GUF1: variants seen among roughly 807,000 people sequenced by gnomAD.
The protein encoded by GUF1 is GTP binding elongation factor GUF1.
Under a neutral mutation model 82.4 loss-of-function variants are expected in GUF1, and 78 were observed. The observed-to-expected ratio is 0.95, with a 90% CI of 0.79 to 1.14. The LOEUF is 1.14. Among genes scored for constraint, GUF1 ranks in the 50% most tolerant of loss-of-function variants. GUF1 has a pLI of 0.00. For missense variants in GUF1, 814 were observed against 798.2 expected (o/e 1.02, Z -0.24); for synonymous variants, 279 against 282.3 (o/e 0.99, Z 0.12).
chr4:44,682,254 T>C (rs1714812370), intron 4 of GUF1, 80 bp from the exon 5 acceptor site: 8 of 656,084 alleles, frequency 1.2e-5, no homozygotes, highest in Middle Eastern at 2.9e-4. Flanking sequence ...GATGAAGATG[T>C]ATAGAATGGT....
At position 44,685,998 on chromosome 4, in the gene GUF1, C is replaced by G. The variant is rs1021921516; in HGVS notation, c.709C>G (p.Gln237Glu). Residue 237 changes from glutamine to glutamate, a missense_variant, in exon 7 of 17, where the codon CAG (glutamine) becomes GAG (glutamate). Physicochemically the swap from Gln to Glu is conservative, Grantham distance 29. Coordinates refer to ENST00000281543, the MANE Select transcript of GUF1 (RefSeq NM_021927.3). ...TGGAACAAATGTTGAGAGTGTTCTT[C>G]AGGCAATTATTGAAAGAATCCCCCC... ...KLGTNVESVL[Q>E]AIIERIPPPK... 2 of 1,606,412 alleles carry G rather than the reference C, an allele frequency of 1.2e-6. No individual in the cohort carries two copies. The highest frequency in any genetic ancestry group is 3.3e-5 in the Admixed American group (2 of 59,874).
chr4:44,683,624 A>C (rs1371541767), intron 6 of GUF1, among the ~76,000 whole-genome samples: 1 of 152,102 alleles, frequency 6.6e-6, no homozygotes, highest in African/African-American at 2.4e-5. Flanking sequence ...AACTCCCTGC[A>C]GTATTTCTTG....
chr4:44,691,182 T>G (rs1458074394), intron 12 of GUF1, among the ~76,000 whole-genome samples: 1 of 151,690 alleles, frequency 6.6e-6, no homozygotes, highest in Non-Finnish European at 1.5e-5. Context: ...TCAGGGACCA[T>G]AAATTTGAAG....
intron 6 of GUF1, 61 bp from the exon 7 acceptor site, chr4:44,685,898 C>T: frequency 8.7e-7 from 1 of 1,150,780 alleles, no homozygotes; most frequent in East Asian, 2.4e-5. Context: ...CACAGGTCAT[C>T]AAGATAGAAA....
chr4:44,689,446 G>A (rs769262049), intron 10 of GUF1, 37 bp downstream of exon 10: 2 of 1,521,686 alleles, frequency 1.3e-6, no homozygotes, highest in Middle Eastern at 1.8e-4. Context: ...AGGAAAGGGA[G>A]GTGTAAATGG....
chr4:44,698,767 G>C lies in GUF1; in HGVS notation c.*86G>C, dbSNP rs1004235897. On this transcript the variant is annotated 3_prime_UTR_variant, in exon 17 of 17. Coordinates refer to ENST00000281543, the MANE Select transcript of GUF1 (RefSeq NM_021927.3). ...TTATAAAATTTGCTTGTTACTTTCAGGGTATTCAGGTTCAAATAACCTACT... is the reference window on the plus strand; with the variant it reads ...TTATAAAATTTGCTTGTTACTTTCACGGTATTCAGGTTCAAATAACCTACT... 1.6e-6 allele frequency: 2 copies of C among 1,245,774 alleles called. No homozygotes were observed. Among genetic ancestry groups the C allele is most frequent in the African/African-American group, 1.5e-5 (1 of 65,800 alleles). 77.2% of individuals were successfully genotyped at this position (1,245,774 alleles called of 1,614,324 possible).
Position 44,689,279 on chromosome 4 carries a change from TC to T in GUF1, c.1079-3del. On this transcript the variant is annotated splice_region_variant and splice_polypyrimidine_tract_variant and intron_variant, in intron 9 of 16. Coordinates refer to ENST00000281543, the MANE Select transcript of GUF1 (RefSeq NM_021927.3). ...CACGTGATAATTAGAAATCATTGTA[TC>T]CCCAGGAATGTATCCTCTAGACCAA... 6.4e-7 allele frequency: 1 copy of T among 1,567,240 alleles called. No individual in the cohort carries two copies. The highest frequency in any genetic ancestry group is 1.2e-5 in the South Asian group (1 of 83,778).
chr4:44,698,588 A>G lies in GUF1; in HGVS notation c.1917A>G (p.Gln639=), dbSNP rs369850931. 6.5e-5 allele frequency: 105 copies of G among 1,609,356 alleles called. No individual in the cohort carries two copies. Among genetic ancestry groups the G allele is most frequent in the Middle Eastern group, 1.7e-4 (1 of 6,050 alleles). The change falls in exon 17 of 17, where the codon CAA becomes CAG. Residue 639 remains glutamine (Q), a synonymous_variant. Transcript: ENST00000281543. ...ITRKMKLLKR[Q]AEGKKKLRKI... The stretch of plus-strand genomic sequence containing the variant: ...GAAAAATGAAGCTTTTGAAGAGACA[A>G]GCAGAAGGGAAAAAAAAGCTGAGGA...
At chr4:44,687,896 A>G in intron 8 of GUF1, 111 bp from the exon 9 acceptor site, 1 of 901,390 alleles carries the variant, frequency 1.1e-6, no homozygotes, top group Non-Finnish European at 1.7e-6. Context: ...TTCAAAGTGT[A>G]TGGAAAGTTT....
rs759581426 is a variant in GUF1, at chr4:44,695,652, C to G, written c.1753C>G (p.Arg585Gly). The change falls in exon 15 of 17, where the codon CGG becomes GGG. Residue 585 changes from arginine to glycine, a missense_variant. Physicochemically the swap from Arg to Gly is moderately radical, Grantham distance 125 (BLOSUM62 -2). Coordinates refer to ENST00000281543, the MANE Select transcript of GUF1 (RefSeq NM_021927.3). Reference sequence around the variant, plus strand: ...TTCAATTGGCAAAGCCATATGTGAACGGCTGAAGGATTCTCTTCCTAGGCA... The same window carrying G: ...TTCAATTGGCAAAGCCATATGTGAAGGGCTGAAGGATTCTCTTCCTAGGCA... ...AHSIGKAICE[R>G]LKDSLPRQLF... 24 of 1,612,698 alleles carry G rather than the reference C, an allele frequency of 1.5e-5. No individual in the cohort carries two copies. Among genetic ancestry groups the G allele is most frequent in the Non-Finnish European group, 2.0e-5 (23 of 1,178,948 alleles).
intron 1 of GUF1, 76 bp from the exon 2 acceptor site, chr4:44,680,365 A>G: frequency 4.8e-6 from 3 of 625,700 alleles, no homozygotes; most frequent in Non-Finnish European, 8.5e-6. Flanking sequence ...GATTAAAAGA[A>G]TATTCTTTGA....
chr4:44,694,518 G>A lies in GUF1; in HGVS notation c.1715+5G>A, dbSNP rs1715661566. 6.9e-7 allele frequency: 1 copy of A among 1,454,898 alleles called. No individual in the cohort carries two copies. The highest frequency in any genetic ancestry group is 9.5e-7 in the Non-Finnish European group (1 of 1,047,664). 90.1% of individuals were successfully genotyped at this position (1,454,898 alleles called of 1,614,324 possible). On this transcript the variant is annotated splice_donor_5th_base_variant and intron_variant, in intron 14 of 16. Transcript: ENST00000281543. ...GCTAGTAACTGTTGTACACAAGTAA[G>A]TTCAATAGAAACTAATCATGGAATG...
intron 6 of GUF1, among the ~76,000 whole-genome samples, chr4:44,684,377 A>C (rs1714935008): frequency 6.6e-6 from 1 of 152,118 alleles, no homozygotes. Context: ...AATTAGGAAA[A>C]GATTTGGCAT....
rs1450302290 is a variant in GUF1, at chr4:44,698,801, G to A, written c.*120G>A. 1.2e-5 allele frequency: 10 copies of A among 844,234 alleles called. No homozygotes were observed. The highest frequency in any genetic ancestry group is 7.5e-5 in the South Asian group (4 of 53,602). 52.3% of individuals were successfully genotyped at this position (844,234 alleles called of 1,614,324 possible). A position where few individuals can be genotyped will look rare whatever the true frequency, so the allele number is the denominator to read the frequency against. ...GGTTCAAATAACCTACTAGTCTTTC[G>A]TTGAAAGGGAGTAGTTAGTGGGTAG... On this transcript the variant is annotated 3_prime_UTR_variant, in exon 17 of 17. Transcript: ENST00000281543.
chr4:44,689,284 A>G lies in GUF1; in HGVS notation c.1079-2A>G. On this transcript the variant is annotated splice_acceptor_variant, in intron 9 of 16. Transcript: ENST00000281543. LOFTEE classifies it high-confidence loss of function. ...GATAATTAGAAATCATTGTATCCCC[A>G]GGAATGTATCCTCTAGACCAATCTG... The G allele has an allele frequency of 6.3e-7, 1 of 1,583,144 alleles. No homozygotes were observed. Among genetic ancestry groups the G allele is most frequent in the East Asian group, 2.3e-5 (1 of 43,220 alleles).
Position 44,699,043 on chromosome 4 carries a change from T to TA in GUF1, c.*363dup, listed in dbSNP as rs1716043672. The TA allele has an allele frequency of 6.1e-6, 1 of 162,646 alleles. No individual in the cohort carries two copies. Among genetic ancestry groups the TA allele is most frequent in the Admixed American group, 6.4e-5 (1 of 15,708 alleles). 10.1% of individuals were successfully genotyped at this position (162,646 alleles called of 1,614,324 possible). A position where few individuals can be genotyped will look rare whatever the true frequency, so the allele number is the denominator to read the frequency against. On this transcript the variant is annotated 3_prime_UTR_variant, in exon 17 of 17. Coordinates refer to ENST00000281543, the MANE Select transcript of GUF1 (RefSeq NM_021927.3). ...CACATAGTAAGCACTCAATTGTAAC[T>TA]ACAGTTAAGTCCTTAAATGCCATCG...
rs1428841020 is a variant in GUF1 at position 44,691,678 on chromosome 4, G to T, written c.1492G>T (p.Val498Phe). The change falls in exon 13 of 17, where the codon GTT (valine) becomes TTT (phenylalanine). Residue 498 changes from valine to phenylalanine, a missense_variant. Physicochemically the swap from Val to Phe is conservative, Grantham distance 50 (BLOSUM62 -1). Coordinates refer to ENST00000281543, the MANE Select transcript of GUF1 (RefSeq NM_021927.3). ...CTTCCCTTTTTAGGCTCGAAGAGCA[G>T]TTCAGAAGAATATGATATTTATTGA... is the stretch of plus-strand genomic sequence containing the variant. ...IMMLCEARRA[V>F]QKNMIFIDQN... The T allele has an allele frequency of 6.3e-7, 1 of 1,592,170 alleles. No individual in the cohort carries two copies. Among genetic ancestry groups the T allele is most frequent in the South Asian group, 1.1e-5 (1 of 88,574 alleles).
In GUF1 at chr4:44,698,681, A is replaced by G; in HGVS notation, c.2010A>G (p.Ter670=). Residue 670 remains the stop codon, a stop_retained_variant, in exon 17 of 17, where the codon TAA becomes TAG. Transcript: ENST00000281543. ...TTCTGAAAACACAATCTTCTAAATAATTGGTGGGAAAACAAAGAATTTTCA... is the reference window on the plus strand; with the variant it reads ...TTCTGAAAACACAATCTTCTAAATAGTTGGTGGGAAAACAAAGAATTTTCA... ...IKVLKTQSSK[*] is the part of the protein sequence containing the mutation. 3 of 1,585,292 alleles carry G rather than the reference A, an allele frequency of 1.9e-6. No individual in the cohort carries two copies. The highest frequency in any genetic ancestry group is 2.6e-6 in the Non-Finnish European group (3 of 1,171,526).
At chr4:44,683,677 G>T (rs1482896693) in intron 6 of GUF1, among the ~76,000 whole-genome samples, 2 of 152,034 alleles carry the variant, frequency 1.3e-5, no homozygotes, top group African/African-American at 2.4e-5. Context: ...TGAAGAGCAG[G>T]TTCAAACTAA....
Sources: gnomAD v4.1 joint callset for allele counts (sites outside exome capture counted in the v4.1 genomes callset) on GRCh38, gnomAD v4.1.1 for gene constraint, MANE v1.5 for transcripts, NCBI Gene and HGNC (gene_info 2026-07-23, HGNC 2026-07-21) for gene names.